STPG2: variants seen among roughly 807,000 people sequenced by gnomAD.
The protein encoded by STPG2 is sperm tail PG-rich repeat containing 2.
In STPG2, 56 loss-of-function variants were observed where a neutral mutation model predicts 54.2. The observed-to-expected ratio is 1.03, with a 90% CI of 0.83 to 1.29. The LOEUF (loss-of-function observed/expected upper bound fraction) is 1.29, where lower values mean the gene tolerates loss of function less well. STPG2 is among the 50% of genes most tolerant of loss of function. The probability of loss-of-function intolerance (pLI) is 0.00; values close to 1 mark genes in which losing one functional copy is unlikely to be tolerated. For synonymous variants in STPG2, 200 were observed against 181.8 expected (o/e 1.10, Z -0.81); for missense variants, 596 against 544.9 (o/e 1.09, Z -0.93).
chr4:97,967,106 G>A (rs1434811700), intron 7 of STPG2, among the ~76,000 whole-genome samples: 1 of 150,424 alleles, frequency 6.6e-6, no homozygotes, highest in Non-Finnish European at 1.5e-5. Context: ...ACTGTATTCA[G>A]GAGATCCATC....
chr4:98,110,536 G>C (rs568818201), intron 3 of STPG2, among the ~76,000 whole-genome samples: 1 of 152,056 alleles, frequency 6.6e-6, no homozygotes, highest in Non-Finnish European at 1.5e-5. Context: ...CCACCCCAAG[G>C]AAAGACTCAG....
chr4:97,583,092 A>G (rs1263284325), intron 10 of STPG2, among the ~76,000 whole-genome samples: 1 of 151,982 alleles, frequency 6.6e-6, no homozygotes, highest in East Asian at 1.9e-4. Flanking sequence ...CTTGTAAGCA[A>G]ATGTAGATTT....
chr4:97,944,109 G>T, intron 7 of STPG2, 102 bp from the exon 8 acceptor site: 1 of 730,192 alleles, frequency 1.4e-6, no homozygotes, highest in Non-Finnish European at 2.3e-6. Flanking sequence ...GTATTATCTG[G>T]CATTAAATAA....
intron 9 of STPG2, among the ~76,000 whole-genome samples, chr4:97,744,039 G>T (rs900847075): frequency 6.6e-6 from 1 of 151,388 alleles, no homozygotes; most frequent in African/African-American, 2.4e-5. Flanking sequence ...TACATAGGTC[G>T]AAGCCTTTGC....
intron 7 of STPG2, among the ~76,000 whole-genome samples, chr4:97,949,202 TTTG>T (rs1328536075): frequency 6.6e-6 from 1 of 152,128 alleles, no homozygotes; most frequent in Non-Finnish European, 1.5e-5. Flanking sequence ...TGCTTTAAAG[TTTG>T]TTGTTGTTTT....
chr4:97,803,390 C>A (rs1727454696), intron 9 of STPG2, among the ~76,000 whole-genome samples: 1 of 152,018 alleles, frequency 6.6e-6, no homozygotes. Flanking sequence ...GGTTCTTGAC[C>A]AAAAAATTTA....
intron 4 of STPG2, among the ~76,000 whole-genome samples, chr4:97,492,807 A>G (rs1019301163): frequency 6.6e-6 from 1 of 151,010 alleles, no homozygotes; most frequent in African/African-American, 2.4e-5. Context: ...TAGAAGTTCA[A>G]ATATCTATAC....
intron 5 of STPG2, among the ~76,000 whole-genome samples, chr4:98,063,342 A>G (rs868496): frequency 0.39 from 59,621 of 151,512 alleles, 11,919 homozygotes; most frequent in Middle Eastern, 0.47. Flanking sequence ...CCAGCTCCTC[A>G]GGAGTCTGAG....
intron 5 of STPG2, among the ~76,000 whole-genome samples, chr4:97,987,666 TGAAA>T (rs746466874): frequency 2.6e-5 from 4 of 152,202 alleles, no homozygotes; most frequent in Admixed American, 6.5e-5. Flanking sequence ...TTTCTTTGTC[TGAAA>T]GAATTACTCC....
chr4:97,474,084 T>C (rs184031050), intron 4 of STPG2, among the ~76,000 whole-genome samples: 7 of 152,282 alleles, frequency 4.6e-5, no homozygotes, highest in East Asian at 1.9e-4. Context: ...CTATGGACTT[T>C]AGATGATAAT....
At chr4:98,036,899 G>A (rs1736796969) in intron 5 of STPG2, among the ~76,000 whole-genome samples, 2 of 151,986 alleles carry the variant, frequency 1.3e-5, no homozygotes, top group African/African-American at 4.8e-5. Context: ...AGTTTTCTTA[G>A]TCATAAAAAT....
intron 5 of STPG2, among the ~76,000 whole-genome samples, chr4:98,011,727 T>C (rs1455747399): frequency 6.6e-6 from 1 of 152,248 alleles, no homozygotes; most frequent in Non-Finnish European, 1.5e-5. Flanking sequence ...TTGAGCTTTT[T>C]TCATATGTTT....
intron 7 of STPG2, 55 bp from the exon 8 acceptor site, chr4:97,944,062 G>C (rs999530815): frequency 1.8e-6 from 2 of 1,122,862 alleles, no homozygotes; most frequent in East Asian, 2.5e-5. Flanking sequence ...CAATACAAGA[G>C]GCACTATAAA....
At chr4:97,640,317 T>C (rs1369303272) in intron 10 of STPG2, among the ~76,000 whole-genome samples, 3 of 152,074 alleles carry the variant, frequency 2.0e-5, no homozygotes, top group Non-Finnish European at 4.4e-5. Context: ...AAAGTCAAAA[T>C]GCATTGTTGA....
chr4:97,800,055 A>G (rs553390167), intron 9 of STPG2, among the ~76,000 whole-genome samples: 35 of 152,262 alleles, frequency 2.3e-4, no homozygotes, highest in African/African-American at 7.9e-4. Flanking sequence ...GGACTTCTCT[A>G]CACTGATTAT....
At chr4:97,585,886 A>T (rs1019567758) in intron 10 of STPG2, among the ~76,000 whole-genome samples, 1 of 151,982 alleles carries the variant, frequency 6.6e-6, no homozygotes, top group Non-Finnish European at 1.5e-5. Context: ...ATAAAAAAAA[A>T]TTTAAATAAA....
intron 8 of STPG2, among the ~76,000 whole-genome samples, chr4:97,936,412 C>T (rs964416447): frequency 6.6e-6 from 1 of 152,140 alleles, no homozygotes; most frequent in Admixed American, 6.6e-5. Context: ...AAATTCGATC[C>T]TGTCATCATG....
intron 7 of STPG2, among the ~76,000 whole-genome samples, chr4:97,959,113 C>T (rs1733792212): frequency 6.6e-6 from 1 of 152,050 alleles, no homozygotes; most frequent in South Asian, 2.1e-4. Flanking sequence ...ATAATATGCT[C>T]CTGAATGATC....
chr4:97,808,001 A>G (rs1727623819), intron 9 of STPG2, among the ~76,000 whole-genome samples: 1 of 152,056 alleles, frequency 6.6e-6, no homozygotes. Flanking sequence ...ATATAATTGA[A>G]TATTTTAAAG....
Sources: gnomAD v4.1 joint callset for allele counts (sites outside exome capture counted in the v4.1 genomes callset) on GRCh38, gnomAD v4.1.1 for gene constraint, MANE v1.5 for transcripts, NCBI Gene and HGNC (gene_info 2026-07-23, HGNC 2026-07-21) for gene names.